PIEZO2: variants seen among roughly 807,000 people sequenced by gnomAD.
PIEZO2 encodes the protein piezo-type mechanosensitive ion channel component 2.
PIEZO2 carries 172 observed loss-of-function variants against 337.3 expected under a neutral mutation model. The observed-to-expected ratio is 0.51, with a 90% CI of 0.45 to 0.58. The LOEUF (loss-of-function observed/expected upper bound fraction) is 0.58. Ranked by LOEUF, PIEZO2 falls within the 20% of genes least tolerant of loss-of-function variation. PIEZO2 has a pLI of 0.00. For synonymous variants in PIEZO2, 1,251 were observed against 1,228.5 expected (o/e 1.02, Z -0.38); for missense variants, 3,028 against 3,391.3 (o/e 0.89, Z 2.66).
intron 1 of PIEZO2, among the ~76,000 whole-genome samples, chr18:11,140,715 T>A (rs551857608): frequency 6.6e-6 from 1 of 152,336 alleles, no homozygotes; most frequent in East Asian, 1.9e-4. Context: ...TGCATGCTAA[T>A]ATCCACTCTC....
chr18:11,091,619 G>A (rs2039094148), intron 1 of PIEZO2, among the ~76,000 whole-genome samples: 1 of 152,094 alleles, frequency 6.6e-6, no homozygotes, highest in Non-Finnish European at 1.5e-5. Context: ...TACAAAATAG[G>A]GATAAGAAGG....
rs113559340 is a variant in PIEZO2 at position 10,671,142 on chromosome 18, A to C, written c.*385T>G. ...GTGGGGATGGAGCGCTGTATATTGC[A>C]TTGTAGCATCTCTCCAGGAAGTGCA... On this transcript the variant is annotated 3_prime_UTR_variant, in exon 56 of 56. Transcript: ENST00000674853. The C allele has an allele frequency of 7.7e-5, 14 of 181,132 alleles. No homozygotes were observed. Among genetic ancestry groups the C allele is most frequent in the African/African-American group, 2.9e-4 (12 of 41,748 alleles). The allele number at this position is 181,132 out of a possible 1,614,324, so 11.2% of individuals were successfully genotyped here.
In PIEZO2 at chr18:11,038,636, T is replaced by G. The variant is rs1237520612; in HGVS notation, c.160+27491A>C. Among the ~76,000 whole-genome samples, 3 of 152,192 alleles carry G rather than the reference T, an allele frequency of 2.0e-5. No individual in the cohort carries two copies. Among genetic ancestry groups the G allele is most frequent in the Non-Finnish European group, 4.4e-5 (3 of 68,034 alleles). ...CATGTAGTCAGGAAAGAGCATTCCATCAGAGCCCAGAAACGTGGCTTCCTC... is the reference window on the plus strand; with the variant it reads ...CATGTAGTCAGGAAAGAGCATTCCAGCAGAGCCCAGAAACGTGGCTTCCTC... On this transcript the variant is annotated intron_variant, in intron 2 of 55. Transcript: ENST00000674853. This position sits in a 1 kb window ranked among gnomAD's most constrained non-coding sequence, Gnocchi z 4.1.
intron 2 of PIEZO2, among the ~76,000 whole-genome samples, chr18:11,043,544 G>A (rs909930895): frequency 6.6e-6 from 1 of 152,032 alleles, no homozygotes; most frequent in African/African-American, 2.4e-5. Flanking sequence ...TTCTCTGTAG[G>A]AGAGAGAGAG....
At chr18:11,050,524 TACACACACACACACACACAC>T (rs56107549) in intron 2 of PIEZO2, among the ~76,000 whole-genome samples, 27 of 148,964 alleles carry the variant, frequency 1.8e-4, no homozygotes, top group South Asian at 4.3e-4. Flanking sequence ...GTGTTTATTT[TACACACACACACACACACAC>T]ACACACACAC....
In PIEZO2 at chr18:10,899,410, A is replaced by T. The variant is rs779262281; in HGVS notation, c.329+11776T>A. Among the ~76,000 whole-genome samples, 2 of 152,242 alleles carry T rather than the reference A, an allele frequency of 1.3e-5. No homozygotes were observed. Among genetic ancestry groups the T allele is most frequent in the African/African-American group, 4.8e-5 (2 of 41,458 alleles). Reference sequence around the variant, plus strand: ...TGGATGGAAAACTCAAACACTTCCTATGAAATCCACCTAATAAAAGCTGTC... The same window carrying T: ...TGGATGGAAAACTCAAACACTTCCTTTGAAATCCACCTAATAAAAGCTGTC... On this transcript the variant is annotated intron_variant, in intron 4 of 55. Coordinates refer to ENST00000674853, the MANE Select transcript of PIEZO2 (RefSeq NM_001378183.1). This position sits in a 1 kb window ranked among gnomAD's most constrained non-coding sequence, Gnocchi z 4.6.
rs895325856 is a variant in PIEZO2, at chr18:10,748,738, C to G, written c.4265-108G>C. ...TTGGGAAATATAGGCATAAAAGCAG[C>G]ATTCTGATGCTCTGACTTACTTATG... is the stretch of plus-strand genomic sequence containing the variant. On this transcript the variant is annotated intron_variant, in intron 29 of 55. Transcript: ENST00000674853. This position sits in a 1 kb window ranked among gnomAD's most constrained non-coding sequence, Gnocchi z 5.1. 1 of 1,009,770 alleles carries G rather than the reference C, an allele frequency of 9.9e-7. No homozygotes were observed. Among genetic ancestry groups the G allele is most frequent in the African/African-American group, 1.7e-5 (1 of 59,718 alleles). The allele number at this position is 1,009,770 out of a possible 1,614,324, so 62.6% of individuals were successfully genotyped here. A position where few individuals can be genotyped will look rare whatever the true frequency, so the allele number is the denominator to read the frequency against.
In PIEZO2 at chr18:11,064,395, C is replaced by T. The variant is rs148843730; in HGVS notation, c.160+1732G>A. On this transcript the variant is annotated intron_variant, in intron 2 of 55. Transcript: ENST00000674853. ...GATTTTCCTTTCCAACTCCTTCTTC[C>T]CTCCTCTTTTACCACGAGCAGTGCC... Among the ~76,000 whole-genome samples, 197 of 152,304 alleles carry T rather than the reference C, an allele frequency of 1.3e-3. 3 individuals are homozygous for T. The East Asian group carries it at 0.034, about 26-fold the overall frequency.
At chr18:10,985,659 A>G (rs1421276699) in intron 2 of PIEZO2, among the ~76,000 whole-genome samples, 1 of 152,030 alleles carries the variant, frequency 6.6e-6, no homozygotes, top group Non-Finnish European at 1.5e-5. Context: ...AGATTGTTTT[A>G]GCTATTTTGG....
chr18:10,817,612 G>A (rs929320728), intron 7 of PIEZO2, among the ~76,000 whole-genome samples: 1 of 152,132 alleles, frequency 6.6e-6, no homozygotes, highest in South Asian at 2.1e-4. Context: ...GAACAAGACA[G>A]AAACATTCTT....
chr18:11,008,114 T>G lies in PIEZO2; in HGVS notation c.161-28454A>C, dbSNP rs575422006. 1.7e-3 allele frequency among the ~76,000 whole-genome samples: 256 copies of G among 152,292 alleles called. 1 individual carries two copies. Among genetic ancestry groups the G allele is most frequent in the Non-Finnish European group, 2.5e-3 (171 of 68,020 alleles). On this transcript the variant is annotated intron_variant, in intron 2 of 55. Coordinates refer to ENST00000674853, the MANE Select transcript of PIEZO2 (RefSeq NM_001378183.1). ...GAAAACATAAGCCTGGGAATCCTTT[T>G]ACCAATTTTTTTCCCATCAATCACT...
Position 11,072,635 on chromosome 18 carries a change from A to C in PIEZO2, c.65-6413T>G, listed in dbSNP as rs1022828154. On this transcript the variant is annotated intron_variant, in intron 1 of 55. Transcript: ENST00000674853. Reference sequence around the variant, plus strand: ...TCAATTAACTCTTGTAGTTATTATCATCATTTTACAAAGTCTTTTATTTCT... The same window carrying C: ...TCAATTAACTCTTGTAGTTATTATCCTCATTTTACAAAGTCTTTTATTTCT... Among the ~76,000 whole-genome samples, 3 of 152,208 alleles carry C rather than the reference A, an allele frequency of 2.0e-5. 1 individual carries two copies. The highest frequency in any genetic ancestry group is 2.0e-4 in the Admixed American group (3 of 15,286).
rs548941473 is a variant in PIEZO2 at position 10,787,394 on chromosome 18, T to C, written c.2170-210A>G. On this transcript the variant is annotated intron_variant, in intron 15 of 55. Coordinates refer to ENST00000674853, the MANE Select transcript of PIEZO2 (RefSeq NM_001378183.1). Reference sequence around the variant, plus strand: ...CCCAGTTTTATAAATGATTGCTAACTGTGTGGGGAAGAGGCTGAACCTTCC... The same window carrying C: ...CCCAGTTTTATAAATGATTGCTAACCGTGTGGGGAAGAGGCTGAACCTTCC... Among the ~76,000 whole-genome samples the C allele has an allele frequency of 2.0e-5, 3 of 152,302 alleles. No homozygotes were observed. In the South Asian group the frequency reaches 6.2e-4, roughly 32 times the overall value.
chr18:10,906,565 CT>C (rs890947795), intron 4 of PIEZO2, among the ~76,000 whole-genome samples: 323 of 145,384 alleles, frequency 2.2e-3, no homozygotes, highest in African/African-American at 3.6e-3. Context: ...ATTATAAGAA[CT>C]TTTTTTTTTT....
At chr18:10,868,429 C>T (rs2042059555) in intron 5 of PIEZO2, among the ~76,000 whole-genome samples, 1 of 152,144 alleles carries the variant, frequency 6.6e-6, no homozygotes, top group Admixed American at 6.5e-5. Flanking sequence ...AGCAATTTTT[C>T]CTTGTGAATT....
chr18:10,708,901 CT>C (rs56699495), intron 39 of PIEZO2, among the ~76,000 whole-genome samples: 2,003 of 152,104 alleles, frequency 0.013, 52 homozygotes, highest in African/African-American at 0.044. Context: ...ATATTTCAAT[CT>C]TTTTTTTCTT....
chr18:11,085,784 A>T (rs76919617), intron 1 of PIEZO2, among the ~76,000 whole-genome samples: 5,119 of 151,916 alleles, frequency 0.034, 109 homozygotes, highest in South Asian at 0.05. Flanking sequence ...AATTTTTTTT[A>T]AAGCTTACTT....
Position 10,855,539 on chromosome 18 carries a change from G to A in PIEZO2, c.731C>T (p.Ser244Phe). 6.5e-7 allele frequency: 1 copy of A among 1,536,810 alleles called. No homozygotes were observed. Among genetic ancestry groups the A allele is most frequent in the Non-Finnish European group, 8.7e-7 (1 of 1,146,814 alleles). The change falls in exon 7 of 56, where the codon TCT (serine) becomes TTT (phenylalanine). Residue 244 changes from serine to phenylalanine, a missense_variant. Transcript: ENST00000674853. The surrounding 1 kb of genome is among the most constrained non-coding windows in gnomAD (Gnocchi z 4.9). ...ACCCAAAAATACAAAAAAATACACA[G>A]ATGATGTCAAAGACGGCAACATCAT... ...SGMMLPSLTS[S>F]VYFFVFLGLC... is the part of the protein sequence containing the mutation.
At chr18:10,786,893 C>T (rs776620885) in intron 16 of PIEZO2, 143 bp downstream of exon 16, 30 of 817,660 alleles carry the variant, frequency 3.7e-5, no homozygotes, top group East Asian at 1.1e-4. Flanking sequence ...AACACAAAAA[C>T]GACTCAGTTT....
Sources: gnomAD v4.1 joint callset for allele counts (sites outside exome capture counted in the v4.1 genomes callset) on GRCh38, gnomAD v4.1.1 for gene constraint, Gnocchi (gnomAD v3.1) non-coding constraint, MANE v1.5 for transcripts, NCBI Gene and HGNC (gene_info 2026-07-23, HGNC 2026-07-21) for gene names.